Variants in GALNTL6 observed in about 807,000 individuals in gnomAD.
GALNTL6 encodes the protein polypeptide N-acetylgalactosaminyltransferase like 6.
A neutral mutation model predicts 73.7 loss-of-function variants in GALNTL6; 46 were observed. The observed-to-expected ratio is 0.62, with a 90% CI of 0.49 to 0.80. GALNTL6 has a LOEUF of 0.80. Among genes scored for constraint, GALNTL6 ranks in the 30% least tolerant of loss-of-function variants. GALNTL6 has a pLI of 0.00. For missense variants in GALNTL6, 604 were observed against 755.0 expected, an observed-to-expected ratio of 0.80 and a Z score of 2.34; for synonymous variants, 259 against 263.7, an observed-to-expected ratio of 0.98 and a Z score of 0.17.
At chr4:171,909,352 A>C (rs1429245975) in intron 2 of GALNTL6, among the ~76,000 whole-genome samples, 1 of 152,118 alleles carries the variant, frequency 6.6e-6, no homozygotes. Flanking sequence ...CAGGGTTATA[A>C]AAGAGAGAAA....
chr4:171,838,315 G>A (rs993271975), intron 2 of GALNTL6, among the ~76,000 whole-genome samples: 1 of 151,802 alleles, frequency 6.6e-6, no homozygotes, highest in Non-Finnish European at 1.5e-5. Context: ...TAGAGAGGGG[G>A]TTTCACCATG....
chr4:172,959,512 G>A (rs1187888008), intron 10 of GALNTL6, among the ~76,000 whole-genome samples: 1 of 152,052 alleles, frequency 6.6e-6, no homozygotes, highest in Non-Finnish European at 1.5e-5. Flanking sequence ...CTAATGTGGA[G>A]TGAGTAGACT....
rs543222177 is a variant in GALNTL6, at chr4:172,409,889, T to C, written c.553+61200T>C. 2.9e-4 allele frequency among the ~76,000 whole-genome samples: 44 copies of C among 152,180 alleles called. 1 individual carries two copies. In the South Asian group the frequency reaches 8.7e-3, roughly 30 times the overall value. ...GAAGTTCACATTTGTTGAGCATCTA[T>C]AATGTGCTAAGCACTGTGTTAGATA... On this transcript the variant is annotated intron_variant, in intron 5 of 12. Coordinates refer to ENST00000506823, the MANE Select transcript of GALNTL6 (RefSeq NM_001034845.3).
chr4:172,494,871 G>A (rs529760567), intron 5 of GALNTL6, among the ~76,000 whole-genome samples: 93 of 152,302 alleles, frequency 6.1e-4, no homozygotes, highest in African/African-American at 1.9e-3. Context: ...GGGTGGGTCT[G>A]CCTTTCCCAG....
intron 2 of GALNTL6, among the ~76,000 whole-genome samples, chr4:171,922,856 A>G (rs1011070581): frequency 2.0e-5 from 3 of 152,132 alleles, no homozygotes; most frequent in African/African-American, 7.2e-5. Context: ...AATAAATAAC[A>G]TATTATGCTT....
chr4:171,932,900 T>C (rs111492802), intron 2 of GALNTL6, among the ~76,000 whole-genome samples: 144 of 152,274 alleles, frequency 9.5e-4, no homozygotes, highest in African/African-American at 3.0e-3. Flanking sequence ...GCATCCATAT[T>C]CAATACCTTT....
At chr4:172,169,754 C>A (rs9995021) in intron 2 of GALNTL6, among the ~76,000 whole-genome samples, 1 of 151,912 alleles carries the variant, frequency 6.6e-6, no homozygotes, top group African/African-American at 2.4e-5. Flanking sequence ...GAGAAATGTC[C>A]ATTAATTTAG....
intron 2 of GALNTL6, among the ~76,000 whole-genome samples, chr4:171,988,317 A>T (rs1279887012): frequency 6.6e-6 from 1 of 152,164 alleles, no homozygotes; most frequent in Non-Finnish European, 1.5e-5. Flanking sequence ...GTGTGTTTTT[A>T]TGAGAATTAT....
chr4:172,956,864 G>A (rs1749776066), intron 10 of GALNTL6, among the ~76,000 whole-genome samples: 1 of 152,138 alleles, frequency 6.6e-6, no homozygotes, highest in South Asian at 2.1e-4. Flanking sequence ...GACAGTAAGG[G>A]ATATGAAGTT....
At chr4:172,870,225 A>AT (rs961418969) in intron 7 of GALNTL6, among the ~76,000 whole-genome samples, 3 of 152,106 alleles carry the variant, frequency 2.0e-5, no homozygotes, top group African/African-American at 7.2e-5. Context: ...TTATGTTTAA[A>AT]TTTTTTTAAT....
chr4:172,718,381 C>G (rs1735238378), intron 5 of GALNTL6, among the ~76,000 whole-genome samples: 3 of 152,078 alleles, frequency 2.0e-5, no homozygotes, highest in South Asian at 4.2e-4. Context: ...CCTGTAATCC[C>G]AGCACACTGG....
At chr4:172,070,340 A>G (rs1408846575) in intron 2 of GALNTL6, among the ~76,000 whole-genome samples, 1 of 110,568 alleles carries the variant, frequency 9.0e-6, no homozygotes, top group Non-Finnish European at 2.0e-5. Flanking sequence ...ACAGTGGAAG[A>G]TGATTTAATA....
In GALNTL6 at chr4:172,368,207, C is replaced by T. The variant is rs763594511; in HGVS notation, c.553+19518C>T. Among the ~76,000 whole-genome samples, 81 of 151,934 alleles carry T rather than the reference C, an allele frequency of 5.3e-4. 1 individual carries two copies. The highest frequency in any genetic ancestry group is 9.6e-4 in the Non-Finnish European group (65 of 67,986). On this transcript the variant is annotated intron_variant, in intron 5 of 12. Transcript: ENST00000506823. ...TAGTCTAGACAACATAGTAAAACTC[C>T]GTCTCTACTAAAAATACAAAAAAAT...
intron 5 of GALNTL6, among the ~76,000 whole-genome samples, chr4:172,775,825 G>A (rs1180692450): frequency 6.6e-6 from 1 of 152,134 alleles, no homozygotes; most frequent in African/African-American, 2.4e-5. Flanking sequence ...TCTCTTTGAG[G>A]GATTGATGAA....
At chr4:172,126,827 CT>C (rs1248935265) in intron 2 of GALNTL6, among the ~76,000 whole-genome samples, 1 of 152,192 alleles carries the variant, frequency 6.6e-6, no homozygotes, top group African/African-American at 2.4e-5. Context: ...GTCCCTGCAT[CT>C]CCATATTTCT....
At chr4:172,018,006 A>C (rs879735259) in intron 2 of GALNTL6, among the ~76,000 whole-genome samples, 1 of 151,574 alleles carries the variant, frequency 6.6e-6, no homozygotes, top group Non-Finnish European at 1.5e-5. Context: ...TTATACTAGC[A>C]GTGAAGTTGT....
chr4:172,247,575 A>G (rs1429806294), intron 3 of GALNTL6, among the ~76,000 whole-genome samples: 5 of 152,182 alleles, frequency 3.3e-5, no homozygotes, highest in Admixed American at 2.6e-4. Context: ...ATGGGCTTCT[A>G]CATCTTGCTT....
intron 2 of GALNTL6, among the ~76,000 whole-genome samples, chr4:172,054,122 C>T (rs1208812759): frequency 6.6e-6 from 1 of 152,004 alleles, no homozygotes; most frequent in African/African-American, 2.4e-5. Context: ...TACACTTTAA[C>T]ATATCTAGGG....
At chr4:172,552,915 A>G (rs1403509862) in intron 5 of GALNTL6, among the ~76,000 whole-genome samples, 2 of 148,306 alleles carry the variant, frequency 1.3e-5, no homozygotes, top group Non-Finnish European at 3.0e-5. Flanking sequence ...TTCTTAAATT[A>G]TTAAGTACCT....
Sources: allele counts gnomAD v4.1 joint callset (sites outside exome capture counted in the v4.1 genomes callset), GRCh38; gene constraint gnomAD v4.1.1; transcripts MANE v1.5; gene names NCBI Gene and HGNC (gene_info 2026-07-23, HGNC 2026-07-21).